IFT122: variants seen among roughly 807,000 people sequenced by gnomAD.
IFT122 encodes intraflagellar transport 122, also known as intraflagellar transport protein 122 homolog.
In IFT122, 118 loss-of-function variants were observed where a neutral mutation model predicts 161.6. That is an observed-to-expected ratio of 0.73 (90% CI 0.63 to 0.85). IFT122 has a LOEUF of 0.85. IFT122 is among the 40% of genes least tolerant of loss of function. The probability of loss-of-function intolerance (pLI) is 0.00; values close to 1 mark genes in which losing one functional copy is unlikely to be tolerated. For missense variants in IFT122, 1,381 were observed against 1,579.6 expected (o/e 0.87, Z 2.13); for synonymous variants, 550 against 602.4 (o/e 0.91, Z 1.27).
rs915575800 is a variant in IFT122, at chr3:129,464,920, A to G, written c.563+139A>G. Reference sequence around the variant, plus strand: ...TTTAGAACCTGTCCCATTTGTATGGATTTTTTTTTTAATAGTCCCGCTACC... The same window carrying G: ...TTTAGAACCTGTCCCATTTGTATGGGTTTTTTTTTTAATAGTCCCGCTACC... On this transcript the variant is annotated intron_variant, in intron 7 of 29. Coordinates refer to ENST00000348417, the MANE Select transcript of IFT122 (RefSeq NM_052989.3). The G allele has an allele frequency of 2.7e-5, 24 of 877,912 alleles. No individual in the cohort carries two copies. In the Admixed American group the frequency reaches 5.9e-4, roughly 21 times the overall value. The allele number at this position is 877,912 out of a possible 1,614,324, so 54.4% of individuals were successfully genotyped here. A position where few individuals can be genotyped will look rare whatever the true frequency, so the allele number is the denominator to read the frequency against.
intron 21 of IFT122, 22 bp downstream of exon 21, chr3:129,504,443 C>T (rs2081975673): frequency 6.3e-7 from 1 of 1,587,086 alleles, no homozygotes; most frequent in African/African-American, 1.3e-5. Context: ...AGACTGTCAC[C>T]TTCTAGAAGG....
chr3:129,517,426 G>T lies in IFT122; in HGVS notation c.3266-43G>T, dbSNP rs553271958. On this transcript the variant is annotated intron_variant, in intron 26 of 29. Coordinates refer to ENST00000348417, the MANE Select transcript of IFT122 (RefSeq NM_052989.3). The stretch of plus-strand genomic sequence containing the variant: ...CCACCTGCCTGGCGGCAAGTCCTTT[G>T]CAAGGCCTCCAGCCCCCTCAGCCCT... 9.9e-6 allele frequency: 16 copies of T among 1,609,828 alleles called. No individual in the cohort carries two copies. In the African/African-American group the frequency reaches 1.6e-4, roughly 16 times the overall value.
chr3:129,484,337 C>T (rs1390424569), intron 15 of IFT122, among the ~76,000 whole-genome samples: 2 of 152,128 alleles, frequency 1.3e-5, no homozygotes, highest in African/African-American at 2.4e-5. Flanking sequence ...AAAACAGAGA[C>T]GTGCATAGCG....
chr3:129,509,551 C>T lies in IFT122; in HGVS notation c.2886+1789C>T, dbSNP rs577601144. ...CCCATTTTGAACTCAAATAAGAAAACTGCTTGAATTTGTTTTTTGTCTAAC... is the reference window on the plus strand; with the variant it reads ...CCCATTTTGAACTCAAATAAGAAAATTGCTTGAATTTGTTTTTTGTCTAAC... On this transcript the variant is annotated intron_variant, in intron 23 of 29. Transcript: ENST00000348417. Among the ~76,000 whole-genome samples the T allele has an allele frequency of 3.9e-5, 6 of 152,342 alleles. No individual in the cohort carries two copies. The South Asian group carries it at 6.2e-4, about 16-fold the overall frequency.
chr3:129,517,231 C>T (rs1338414485), intron 26 of IFT122, among the ~76,000 whole-genome samples: 7 of 149,372 alleles, frequency 4.7e-5, no homozygotes. Context: ...CACACACACA[C>T]ACAGAAACTG....
At chr3:129,487,767 C>A in intron 15 of IFT122, 1 of 254,260 alleles carries the variant, frequency 3.9e-6, no homozygotes, top group South Asian at 4.8e-5. Context: ...CGGCTGTGCA[C>A]GGCTTTGCTG....
intron 1 of IFT122, among the ~76,000 whole-genome samples, chr3:129,443,789 A>G (rs1050331982): frequency 3.3e-5 from 5 of 152,262 alleles, no homozygotes; most frequent in African/African-American, 1.2e-4. Flanking sequence ...CAAATCAGAC[A>G]TATATGATAT....
intron 22 of IFT122, among the ~76,000 whole-genome samples, chr3:129,507,212 C>T (rs983480779): frequency 1.3e-5 from 2 of 152,152 alleles, no homozygotes; most frequent in South Asian, 2.1e-4. Flanking sequence ...ATTGTCAAGC[C>T]TAGGTGTAAG....
rs2081334936 is a variant in IFT122 at position 129,499,905 on chromosome 3, T to A, written c.2212T>A (p.Phe738Ile). Residue 738 changes from phenylalanine (F) to isoleucine (I), a missense_variant, in exon 19 of 30, where the codon TTC becomes ATC. Transcript: ENST00000348417. ...TTTGTTTGTTGTGCTTCCTCAGGAT[T>A]TCCTTGGATCTGGAGACCCCAAAGA... ...DLCMFEYAKD[F>I]LGSGDPKETK... 3.1e-6 allele frequency: 5 copies of A among 1,614,138 alleles called. No individual in the cohort carries two copies. Among genetic ancestry groups the A allele is most frequent in the Non-Finnish European group, 4.2e-6 (5 of 1,180,012 alleles).
chr3:129,468,792 C>G (rs2077065687), intron 8 of IFT122, among the ~76,000 whole-genome samples: 1 of 152,222 alleles, frequency 6.6e-6, no homozygotes, highest in African/African-American at 2.4e-5. Flanking sequence ...TTTTCAGAGC[C>G]CATTGCTCTT....
Position 129,512,611 on chromosome 3 carries a change from A to C in IFT122, c.2987+199A>C, listed in dbSNP as rs945621779. ...CAGGGGCCCAGGCCAAGAGAAGATG[A>C]GTTTTCAGGGCTCTCTGAGCTGAAC... On this transcript the variant is annotated intron_variant, in intron 24 of 29. Coordinates refer to ENST00000348417, the MANE Select transcript of IFT122 (RefSeq NM_052989.3). The C allele has an allele frequency of 2.4e-4, 148 of 618,308 alleles. 1 individual carries two copies. The highest frequency in any genetic ancestry group is 2.6e-4 in the Non-Finnish European group (90 of 345,720). 38.3% of individuals were successfully genotyped at this position (618,308 alleles called of 1,614,324 possible). A position where few individuals can be genotyped will look rare whatever the true frequency, so the allele number is the denominator to read the frequency against.
At chr3:129,462,807 G>T (rs2108090416) in intron 5 of IFT122, among the ~76,000 whole-genome samples, 1 of 152,322 alleles carries the variant, frequency 6.6e-6, no homozygotes, top group South Asian at 2.1e-4. Flanking sequence ...ACTGAGCCAG[G>T]GCATCTGGGA....
intron 5 of IFT122, chr3:129,463,294 T>TAG (rs2076372576): frequency 2.1e-5 from 9 of 428,486 alleles, no homozygotes; most frequent in Admixed American, 1.8e-4. Flanking sequence ...AGTTACCACT[T>TAG]AGTGTCATAT....
At chr3:129,492,671 A>G (rs1350023672) in intron 17 of IFT122, among the ~76,000 whole-genome samples, 1 of 152,080 alleles carries the variant, frequency 6.6e-6, no homozygotes, top group Non-Finnish European at 1.5e-5. Flanking sequence ...AGCGCCCCAG[A>G]GTTCTGGAGC....
At chr3:129,519,475 C>T in intron 28 of IFT122, 93 bp from the exon 29 acceptor site, 2 of 1,537,710 alleles carry the variant, frequency 1.3e-6, no homozygotes, top group Non-Finnish European at 1.8e-6. Flanking sequence ...GGTCCTCTCT[C>T]ACCACTGCCA....
At position 129,473,499 on chromosome 3, in the gene IFT122, A is replaced by G. The variant is rs146913890; in HGVS notation, c.817-2816A>G. ...GATTATTGTGTATGTTTGTGTGTAT[A>G]TATGTTTAAGCAGGCAGTTTACTTT... On this transcript the variant is annotated intron_variant, in intron 9 of 29. Transcript: ENST00000348417. Among the ~76,000 whole-genome samples, 601 of 152,296 alleles carry G rather than the reference A, an allele frequency of 3.9e-3. 2 individuals carry two copies. The highest frequency in any genetic ancestry group is 0.013 in the African/African-American group (544 of 41,558).
intron 12 of IFT122, 25 bp downstream of exon 12, chr3:129,478,243 T>C (rs1427922186): frequency 6.2e-7 from 1 of 1,604,576 alleles, no homozygotes; most frequent in South Asian, 1.1e-5. Flanking sequence ...GTTGAAGGAG[T>C]TGGGCTGAAT....
intron 18 of IFT122, among the ~76,000 whole-genome samples, chr3:129,496,142 G>A (rs1274611088): frequency 1.3e-5 from 2 of 152,148 alleles, no homozygotes; most frequent in Non-Finnish European, 2.9e-5. Flanking sequence ...CCTGCCGGCT[G>A]CAGAGTGGCT....
intron 4 of IFT122, chr3:129,460,759 C>T (rs2076128481): frequency 1.1e-6 from 1 of 952,310 alleles, no homozygotes; most frequent in African/African-American, 1.6e-5. Flanking sequence ...TAAAGTATTA[C>T]CCACAAGTGA....
Sources: gnomAD v4.1 joint callset for allele counts (sites outside exome capture counted in the v4.1 genomes callset) on GRCh38, gnomAD v4.1.1 for gene constraint, MANE v1.5 for transcripts, NCBI Gene and HGNC (gene_info 2026-07-23, HGNC 2026-07-21) for gene names.